RIC3: variants seen among roughly 807,000 people sequenced by gnomAD.
RIC3 encodes the protein protein RIC-3.
In RIC3, 28 loss-of-function variants were observed where a neutral mutation model predicts 27.3. That is an observed-to-expected ratio of 1.02 (90% CI 0.76 to 1.41). RIC3 has a LOEUF of 1.41. Ranked by LOEUF, RIC3 falls within the 40% of genes most tolerant of loss-of-function variation. The pLI is 0.00. For missense variants in RIC3, 501 were observed against 444.7 expected, an observed-to-expected ratio of 1.13 and a Z score of -1.14; for synonymous variants, 184 against 160.4, an observed-to-expected ratio of 1.15 and a Z score of -1.11.
downstream of RIC3, among the ~76,000 whole-genome samples, chr11:8,101,208 CA>C (rs1399465656): frequency 1.6e-4 from 24 of 152,298 alleles, no homozygotes; most frequent in African/African-American, 5.8e-4. Flanking sequence ...TCTGTGTATT[CA>C]ACGGAGTCTC....
At chr11:8,158,458 G>A (rs1175254757) in intron 1 of RIC3, among the ~76,000 whole-genome samples, 2 of 152,022 alleles carry the variant, frequency 1.3e-5, no homozygotes, top group Non-Finnish European at 2.9e-5. Flanking sequence ...ACACAGAGTG[G>A]CACACTGTCA....
downstream of RIC3, chr11:8,101,399 A>G (rs1944295197): frequency 3.9e-6 from 6 of 1,525,850 alleles, no homozygotes; most frequent in African/African-American, 2.7e-5. Context: ...TTCTTCCCTC[A>G]TGTGGTTTGG....
At chr11:8,143,711 G>A (rs1223714496) in intron 1 of RIC3, among the ~76,000 whole-genome samples, 11 of 151,888 alleles carry the variant, frequency 7.2e-5, no homozygotes, top group East Asian at 1.9e-4. Flanking sequence ...AAAAGAGCCC[G>A]CATCGCCAAG....
chr11:8,162,535 A>C (rs1401171619), intron 1 of RIC3, among the ~76,000 whole-genome samples: 2 of 151,904 alleles, frequency 1.3e-5, no homozygotes, highest in Non-Finnish European at 2.9e-5. Flanking sequence ...CTCCTTAAGA[A>C]TGACAGAAAA....
intron 3 of RIC3, 106 bp downstream of exon 3, chr11:8,138,166 G>T (rs1948625246): frequency 2.7e-6 from 2 of 747,082 alleles, no homozygotes; most frequent in Non-Finnish European, 4.3e-6. Flanking sequence ...TTAATTTGGA[G>T]CAACTTTTGA....
At chr11:8,153,860 C>T (rs1345247321) in intron 1 of RIC3, among the ~76,000 whole-genome samples, 1 of 152,252 alleles carries the variant, frequency 6.6e-6, no homozygotes, top group Admixed American at 6.5e-5. Context: ...TAGATTCATT[C>T]TCTCCAAACT....
intron 5 of RIC3, 75 bp downstream of exon 5, chr11:8,126,584 G>C: frequency 6.4e-7 from 1 of 1,550,954 alleles, no homozygotes. Context: ...CAATAATGAA[G>C]CTGATTTTTT....
At chr11:8,101,758 GC>G (rs1365524265), downstream of RIC3, 16 of 1,418,314 alleles carry the variant, frequency 1.1e-5, no homozygotes, top group Non-Finnish European at 1.5e-5. Context: ...CCCTGGCCCA[GC>G]CAGCCAGGAA....
At chr11:8,129,042 CAG>C (rs1283763618) in intron 4 of RIC3, among the ~76,000 whole-genome samples, 1 of 152,096 alleles carries the variant, frequency 6.6e-6, no homozygotes, top group Non-Finnish European at 1.5e-5. Context: ...GCGTGAGCCA[CAG>C]CGCCCGGCCA....
chr11:8,101,274 C>A (rs1314793910), downstream of RIC3, among the ~76,000 whole-genome samples: 1 of 152,200 alleles, frequency 6.6e-6, no homozygotes, highest in Non-Finnish European at 1.5e-5. Flanking sequence ...CCCTGGTGTT[C>A]ACATGCATCT....
intron 4 of RIC3, among the ~76,000 whole-genome samples, chr11:8,131,882 CAGAG>C (rs1329049398): frequency 9.4e-6 from 1 of 106,494 alleles, no homozygotes; most frequent in Non-Finnish European, 1.7e-5. Context: ...GCCTGGGTGA[CAGAG>C]AGAGACTCCA....
At chr11:8,144,149 C>A (rs183469012) in intron 1 of RIC3, among the ~76,000 whole-genome samples, 1 of 152,138 alleles carries the variant, frequency 6.6e-6, no homozygotes, top group South Asian at 2.1e-4. Flanking sequence ...ACACCAAAAG[C>A]GATGGCAACA....
chr11:8,131,297 G>A (rs1404896278), intron 4 of RIC3, among the ~76,000 whole-genome samples: 1 of 152,198 alleles, frequency 6.6e-6, no homozygotes, highest in Non-Finnish European at 1.5e-5. Context: ...CATGGTGATT[G>A]ATGAGATATG....
At chr11:8,121,381 A>G (rs1397729453) in intron 5 of RIC3, among the ~76,000 whole-genome samples, 2 of 152,062 alleles carry the variant, frequency 1.3e-5, no homozygotes, top group African/African-American at 2.4e-5. Flanking sequence ...ATCTGTAAGG[A>G]TATCAGTGTT....
chr11:8,107,598 T>G lies in RIC3; in HGVS notation c.*3100A>C, dbSNP rs541245473. On this transcript the variant is annotated 3_prime_UTR_variant, in exon 6 of 6. Coordinates refer to ENST00000309737, the MANE Select transcript of RIC3 (RefSeq NM_001206671.4). ...ATCACCCAAGCCATATAAGGTGCATTGTATGGTTCTCAAAGGCCGTTGATT... is the reference window on the plus strand; with the variant it reads ...ATCACCCAAGCCATATAAGGTGCATGGTATGGTTCTCAAAGGCCGTTGATT... 6.6e-6 allele frequency: 1 copy of G among 152,256 alleles called. No individual in the cohort carries two copies. The highest frequency in any genetic ancestry group is 1.9e-4 in the East Asian group (1 of 5,192). The allele number at this position is 152,256 out of a possible 1,614,324, so 9.4% of individuals were successfully genotyped here. A position where few individuals can be genotyped will look rare whatever the true frequency, so the allele number is the denominator to read the frequency against.
the RIC3 span, chr11:8,094,147 C>G: frequency 2.5e-6 from 4 of 1,613,898 alleles, no homozygotes; most frequent in Admixed American, 6.7e-5. Flanking sequence ...AGCAGGGGGC[C>G]AGGGTGGCGC....
At chr11:8,097,747 A>G in the RIC3 span, 1 of 1,614,102 alleles carries the variant, frequency 6.2e-7, no homozygotes, top group Non-Finnish European at 8.5e-7. Flanking sequence ...GAGAAAGAAG[A>G]GTAAAACTTC....
At chr11:8,100,498 C>T in the RIC3 span, 1 of 1,613,550 alleles carries the variant, frequency 6.2e-7, no homozygotes, top group South Asian at 1.1e-5. Context: ...CGTTCTCTTT[C>T]CCAGGAGACA....
At chr11:8,163,529 G>A (rs553746681) in intron 1 of RIC3, among the ~76,000 whole-genome samples, 1 of 151,842 alleles carries the variant, frequency 6.6e-6, no homozygotes, top group South Asian at 2.1e-4. Context: ...AGTTCAGCGA[G>A]GTGACAAGAT....
Sources: allele counts gnomAD v4.1 joint callset (sites outside exome capture counted in the v4.1 genomes callset), GRCh38; gene constraint gnomAD v4.1.1; transcripts MANE v1.5; gene names NCBI Gene and HGNC (gene_info 2026-07-23, HGNC 2026-07-21).